Variants in SNAP47 observed in about 807,000 individuals in gnomAD.
SNAP47 encodes the protein synaptosome associated protein 47.
In SNAP47, 20 loss-of-function variants were observed where a neutral mutation model predicts 31.4. The ratio of observed to expected loss-of-function variants is 0.64; its 90% CI spans 0.45 to 0.93. SNAP47 has a LOEUF of 0.93. SNAP47 is among the 40% of genes least tolerant of loss of function. The pLI, the probability that SNAP47 is intolerant of heterozygous loss-of-function variation, is 0.00. For missense variants in SNAP47, 492 were observed against 528.5 expected (o/e 0.93, Z 0.68); for synonymous variants, 194 against 213.4 (o/e 0.91, Z 0.79).
At chr1:227,733,211 A>G (rs1350041779), upstream of SNAP47, 6 of 852,414 alleles carry the variant, frequency 7.0e-6, no homozygotes, top group Admixed American at 5.7e-5. Flanking sequence ...CTCAGGCCAC[A>G]GTGAACCCAG....
At chr1:227,735,343 C>A, upstream of SNAP47, 1 of 1,597,404 alleles carries the variant, frequency 6.3e-7, no homozygotes, top group Non-Finnish European at 8.5e-7. Context: ...GGACCAGCCT[C>A]GGAACCAGAA....
At chr1:227,766,034 A>G (rs550865260) in intron 3 of SNAP47, among the ~76,000 whole-genome samples, 10 of 152,278 alleles carry the variant, frequency 6.6e-5, no homozygotes, top group African/African-American at 2.4e-4. Flanking sequence ...ACCCCCAGGT[A>G]TCCCCCCTTT....
chr1:227,755,329 A>G (rs143415885), intron 2 of SNAP47, among the ~76,000 whole-genome samples: 1 of 151,972 alleles, frequency 6.6e-6, no homozygotes, highest in East Asian at 1.9e-4. Flanking sequence ...TCAGCCTCCC[A>G]TGTAGCTGGA....
chr1:227,778,069 A>G (rs1383156796), intron 4 of SNAP47, among the ~76,000 whole-genome samples: 6 of 152,276 alleles, frequency 3.9e-5, no homozygotes, highest in Admixed American at 6.5e-5. Context: ...ATGTACTTTA[A>G]TCCCAAATTT....
At position 227,777,319 on chromosome 1, in the gene SNAP47, C is replaced by G. The variant is rs116327991; in HGVS notation, c.1114-3208C>G. On this transcript the variant is annotated intron_variant, in intron 4 of 4. Coordinates refer to ENST00000617596, the MANE Select transcript of SNAP47 (RefSeq NM_053052.4). ...TCAGCCTTGCAGGGAAGGTGGCGCACAGGGGTGCCGGGCTGCCTGGGTCTG... is the reference window on the plus strand; with the variant it reads ...TCAGCCTTGCAGGGAAGGTGGCGCAGAGGGGTGCCGGGCTGCCTGGGTCTG... The G allele has an allele frequency of 3.9e-3, 685 of 176,056 alleles. 5 individuals are homozygous for G. The highest frequency in any genetic ancestry group is 0.015 in the African/African-American group (643 of 41,988). 10.9% of individuals were successfully genotyped at this position (176,056 alleles called of 1,614,324 possible). A position where few individuals can be genotyped will look rare whatever the true frequency, so the allele number is the denominator to read the frequency against.
chr1:227,747,080 AAGTT>A (rs1450448123), intron 1 of SNAP47: 3 of 152,344 alleles, frequency 2.0e-5, no homozygotes, highest in Admixed American at 6.5e-5. Flanking sequence ...TACGCACAAT[AAGTT>A]AGTACGCGTA....
upstream of SNAP47, chr1:227,732,557 C>A: frequency 1.2e-6 from 2 of 1,613,488 alleles, no homozygotes; most frequent in Non-Finnish European, 1.7e-6. Context: ...GTTCGAAACC[C>A]AACCCAGCAC....
chr1:227,756,546 C>G (rs1479041284), intron 2 of SNAP47, among the ~76,000 whole-genome samples: 1 of 152,256 alleles, frequency 6.6e-6, no homozygotes, highest in Non-Finnish European at 1.5e-5. Context: ...AGATCAGGCT[C>G]CTGCCTGTCC....
chr1:227,768,129 A>G, intron 4 of SNAP47: 1 of 229,774 alleles, frequency 4.4e-6, no homozygotes, highest in Non-Finnish European at 7.2e-6. Context: ...ATTCCTCAGC[A>G]CCATCCAGTA....
At chr1:227,733,876 T>G, upstream of SNAP47, 1 of 1,611,588 alleles carries the variant, frequency 6.2e-7, no homozygotes, top group Non-Finnish European at 8.5e-7. Flanking sequence ...CCAGGCCCCT[T>G]CGGGTTCCAC....
intron 2 of SNAP47, among the ~76,000 whole-genome samples, chr1:227,749,106 G>A (rs928616124): frequency 5.9e-5 from 9 of 152,104 alleles, no homozygotes; most frequent in Admixed American, 2.6e-4. Context: ...CGGGTCTTGC[G>A]TCATGGCCCG....
chr1:227,779,893 C>T (rs561983898), intron 4 of SNAP47, among the ~76,000 whole-genome samples: 4 of 152,326 alleles, frequency 2.6e-5, no homozygotes, highest in Admixed American at 1.3e-4. Flanking sequence ...CCCTGCGTGC[C>T]TCCACCTTCT....
upstream of SNAP47, chr1:227,734,751 T>C (rs151008919): frequency 6.2e-7 from 1 of 1,614,058 alleles, no homozygotes; most frequent in African/African-American, 1.3e-5. Flanking sequence ...CTGAGAGTCA[T>C]GTGCTCTTTG....
chr1:227,770,948 A>G (rs973104095), intron 4 of SNAP47, among the ~76,000 whole-genome samples: 2 of 152,200 alleles, frequency 1.3e-5, no homozygotes, highest in African/African-American at 2.4e-5. Context: ...GCCTGGGCCC[A>G]CTGGGAGTGT....
At chr1:227,738,088 C>A (rs1376956217) in intron 1 of SNAP47, among the ~76,000 whole-genome samples, 1 of 152,062 alleles carries the variant, frequency 6.6e-6, no homozygotes, top group Admixed American at 6.6e-5. Flanking sequence ...GTCACCCAGG[C>A]TGGAGTGCAA....
chr1:227,772,523 G>C (rs1663887132), intron 4 of SNAP47, among the ~76,000 whole-genome samples: 1 of 152,082 alleles, frequency 6.6e-6, no homozygotes. Context: ...TTCCTCCTTT[G>C]GGCTGCTATG....
rs998822895 is a variant in SNAP47 at position 227,748,215 on chromosome 1, A to G, written c.479A>G (p.Asp160Gly). The G allele has an allele frequency of 6.3e-7, 1 of 1,589,166 alleles. No homozygotes were observed. The highest frequency in any genetic ancestry group is 1.4e-5 in the African/African-American group (1 of 74,000). The change falls in exon 2 of 5, where the codon GAC (aspartate) becomes GGC (glycine). Residue 160 changes from aspartate (D) to glycine (G), a missense_variant. Transcript: ENST00000617596. Reference protein sequence around the residue: ...VMRGLDKMESDLEVADRLLTE... With the variant: ...VMRGLDKMESGLEVADRLLTE... ...AGAGGCCTGGACAAGATGGAGTCAG[A>G]CCTGGAGGTGGCGGACAGGTGGGCT...
chr1:227,748,194 G>C lies in SNAP47; in HGVS notation c.458G>C (p.Gly153Ala). The change falls in exon 2 of 5, where the codon GGC (glycine) becomes GCC (alanine). Residue 153 changes from glycine (G) to alanine (A), a missense_variant. Physicochemically the swap from Gly to Ala is moderately conservative, Grantham distance 60 (BLOSUM62 0). Coordinates refer to ENST00000617596, the MANE Select transcript of SNAP47 (RefSeq NM_053052.4). ...CAGCAGCTGGACAGCGTCATGAGAG[G>C]CCTGGACAAGATGGAGTCAGACCTG... ...QGQQLDSVMR[G>A]LDKMESDLEV... is the part of the protein sequence containing the mutation. 1.2e-6 allele frequency: 2 copies of C among 1,606,058 alleles called. No individual in the cohort carries two copies. The highest frequency in any genetic ancestry group is 4.5e-5 in the East Asian group (2 of 44,764).
chr1:227,760,152 CAGAA>C (rs1421774532), intron 3 of SNAP47, among the ~76,000 whole-genome samples: 1 of 152,204 alleles, frequency 6.6e-6, no homozygotes, highest in East Asian at 1.9e-4. Flanking sequence ...TGCTACGACA[CAGAA>C]AGGGCTTTCA....
Sources: gnomAD v4.1 joint callset for allele counts (sites outside exome capture counted in the v4.1 genomes callset) on GRCh38, gnomAD v4.1.1 for gene constraint, MANE v1.5 for transcripts, NCBI Gene and HGNC (gene_info 2026-07-23, HGNC 2026-07-21) for gene names.